Variants in TMTC2 observed in about 807,000 individuals in gnomAD.
The protein encoded by TMTC2 is protein O-mannosyl-transferase TMTC2.
TMTC2 carries 43 observed loss-of-function variants against 82.4 expected under a neutral mutation model. That is an observed-to-expected ratio of 0.52 (90% CI 0.41 to 0.67). The LOEUF (loss-of-function observed/expected upper bound fraction) is 0.67. Ranked by LOEUF, TMTC2 falls within the 30% of genes least tolerant of loss-of-function variation. The pLI is 0.00. For synonymous variants in TMTC2, 408 were observed against 381.9 expected (o/e 1.07, Z -0.80); for missense variants, 919 against 1,012.4 (o/e 0.91, Z 1.25).
At chr12:83,109,594 A>T (rs1346577076) in intron 11 of TMTC2, among the ~76,000 whole-genome samples, 1 of 152,140 alleles carries the variant, frequency 6.6e-6, no homozygotes, top group African/African-American at 2.4e-5. Context: ...CTCTAGTACC[A>T]ACTTCCCAAA....
intron 4 of TMTC2, among the ~76,000 whole-genome samples, chr12:82,963,199 A>G (rs889473760): frequency 6.6e-6 from 1 of 151,984 alleles, no homozygotes; most frequent in African/African-American, 2.4e-5. Flanking sequence ...GATCATAAGC[A>G]ATAGTTAGAG....
intron 1 of TMTC2, among the ~76,000 whole-genome samples, chr12:82,720,604 C>T (rs1874161384): frequency 6.6e-6 from 1 of 152,160 alleles, no homozygotes; most frequent in Non-Finnish European, 1.5e-5. Flanking sequence ...ATATATGTAG[C>T]AGTGGAACTG....
chr12:82,853,886 A>G (rs1431164072), intron 1 of TMTC2, among the ~76,000 whole-genome samples: 1 of 150,074 alleles, frequency 6.7e-6, no homozygotes, highest in Middle Eastern at 3.3e-3. Context: ...TTCATTCTCT[A>G]TTGCTTGAAA....
intron 1 of TMTC2, among the ~76,000 whole-genome samples, chr12:82,814,507 T>A (rs1193687775): frequency 6.6e-6 from 1 of 152,174 alleles, no homozygotes; most frequent in African/African-American, 2.4e-5. Flanking sequence ...GTTGTTAGTT[T>A]TTGAGCAAGA....
chr12:83,097,056 C>T (rs1241810994), intron 11 of TMTC2, among the ~76,000 whole-genome samples: 1 of 152,070 alleles, frequency 6.6e-6, no homozygotes, highest in African/African-American at 2.4e-5. Context: ...TACATGTGGT[C>T]CAGTGTCTGT....
chr12:83,030,397 G>A (rs1881377071), intron 8 of TMTC2, among the ~76,000 whole-genome samples: 1 of 152,074 alleles, frequency 6.6e-6, no homozygotes, highest in Non-Finnish European at 1.5e-5. Context: ...AATGGCCACA[G>A]TTCTTTACAA....
intron 9 of TMTC2, among the ~76,000 whole-genome samples, chr12:83,044,134 T>A (rs1412494212): frequency 6.6e-6 from 1 of 152,154 alleles, no homozygotes; most frequent in Non-Finnish European, 1.5e-5. Context: ...GATATGGAAA[T>A]ATGAATAGGA....
At chr12:82,834,860 A>G (rs745763102) in intron 1 of TMTC2, among the ~76,000 whole-genome samples, 4 of 151,954 alleles carry the variant, frequency 2.6e-5, no homozygotes, top group African/African-American at 4.8e-5. Flanking sequence ...GCTGTAATTC[A>G]TAGATATTTA....
chr12:83,124,890 G>A (rs1166800493), intron 11 of TMTC2, among the ~76,000 whole-genome samples: 1 of 152,192 alleles, frequency 6.6e-6, no homozygotes, highest in Non-Finnish European at 1.5e-5. Flanking sequence ...AGAATAACAG[G>A]AGGCTGATGG....
chr12:82,999,928 C>G (rs936629719), intron 8 of TMTC2, among the ~76,000 whole-genome samples: 2 of 152,204 alleles, frequency 1.3e-5, no homozygotes, highest in African/African-American at 4.8e-5. Context: ...CTCATTTCAG[C>G]ATTAACTTAA....
chr12:82,784,426 T>C (rs7308265), intron 1 of TMTC2, among the ~76,000 whole-genome samples: 26 of 151,964 alleles, frequency 1.7e-4, no homozygotes, highest in African/African-American at 5.8e-4. Flanking sequence ...CTACATGGAG[T>C]TGGGTATTAG....
At chr12:82,929,599 C>T (rs1419978291) in intron 3 of TMTC2, among the ~76,000 whole-genome samples, 2 of 152,080 alleles carry the variant, frequency 1.3e-5, no homozygotes, top group African/African-American at 4.8e-5. Flanking sequence ...TATATCTCAA[C>T]ACACATGACC....
intron 11 of TMTC2, among the ~76,000 whole-genome samples, chr12:83,117,309 C>T (rs1406575723): frequency 1.3e-5 from 2 of 152,136 alleles, no homozygotes; most frequent in African/African-American, 4.8e-5. Flanking sequence ...CAGGAAAGGA[C>T]ATAACCGAAA....
At position 82,946,745 on chromosome 12, in the gene TMTC2, C is replaced by CTTT. The variant is rs68095076; in HGVS notation, c.1598+16212_1598+16214dup. ...GAGAGTAGGCATGCACTTTTCTTTTCTTTTTTTTTTTTTTGAGACAGAGTC... is the reference window on the plus strand; with the variant it reads ...GAGAGTAGGCATGCACTTTTCTTTTCTTTTTTTTTTTTTTTTTGAGACAGAGTC... On this transcript the variant is annotated intron_variant, in intron 4 of 11. Transcript: ENST00000321196. 2.9e-3 allele frequency among the ~76,000 whole-genome samples: 401 copies of CTTT among 136,970 alleles called. 4 individuals carry two copies. Among genetic ancestry groups the CTTT allele is most frequent in the South Asian group, 0.011 (46 of 4,302 alleles). 89.9% of individuals were successfully genotyped at this position (136,970 alleles called of 152,430 possible).
chr12:82,815,306 T>C (rs1398951534), intron 1 of TMTC2, among the ~76,000 whole-genome samples: 1 of 148,684 alleles, frequency 6.7e-6, no homozygotes, highest in East Asian at 1.9e-4. Flanking sequence ...AATTAATTAA[T>C]TAATTATTTA....
intron 1 of TMTC2, among the ~76,000 whole-genome samples, chr12:82,836,071 TAGC>T (rs1292451799): frequency 1.4e-4 from 21 of 152,326 alleles, no homozygotes; most frequent in African/African-American, 4.6e-4. Context: ...AAATAAGAAA[TAGC>T]AGTAATTTTT....
At chr12:82,817,143 A>G (rs1237822598) in intron 1 of TMTC2, among the ~76,000 whole-genome samples, 1 of 151,416 alleles carries the variant, frequency 6.6e-6, no homozygotes, top group East Asian at 1.9e-4. Flanking sequence ...TAATTTTTGT[A>G]TTTTTAGGAG....
At chr12:82,987,559 A>G (rs1311587672) in intron 8 of TMTC2, among the ~76,000 whole-genome samples, 1 of 152,170 alleles carries the variant, frequency 6.6e-6, no homozygotes, top group Non-Finnish European at 1.5e-5. Context: ...GAGCATGAGT[A>G]GTAAGAGAAG....
chr12:83,089,405 A>C (rs1344091764), intron 11 of TMTC2, among the ~76,000 whole-genome samples: 1 of 152,178 alleles, frequency 6.6e-6, no homozygotes, highest in East Asian at 1.9e-4. Flanking sequence ...ACACTCAATA[A>C]ATGTCACTAT....
Sources: allele counts gnomAD v4.1 joint callset (sites outside exome capture counted in the v4.1 genomes callset), GRCh38; gene constraint gnomAD v4.1.1; transcripts MANE v1.5; gene names NCBI Gene and HGNC (gene_info 2026-07-23, HGNC 2026-07-21).